The following DDX49 variants were observed in gnomAD, a reference collection of about 807,000 sequenced individuals.
DDX49 encodes the protein DEAD-box helicase 49.
A neutral mutation model predicts 56.3 loss-of-function variants in DDX49; 50 were observed. The observed-to-expected ratio is 0.89, with a 90% CI of 0.71 to 1.12. DDX49 has a LOEUF of 1.12. DDX49 is among the 50% of genes most tolerant of loss of function. DDX49 has a pLI of 0.00. For synonymous variants in DDX49, 269 were observed against 270.6 expected, an observed-to-expected ratio of 0.99 and a Z score of 0.06; for missense variants, 614 against 650.5, an observed-to-expected ratio of 0.94 and a Z score of 0.61.
In DDX49 at chr19:18,921,405, G is replaced by C. The variant is rs1017868460; in HGVS notation, c.240-258G>C. Among the ~76,000 whole-genome samples, 3 of 152,170 alleles carry C rather than the reference G, an allele frequency of 2.0e-5. No individual in the cohort carries two copies. The East Asian group carries it at 5.8e-4, about 29-fold the overall frequency. ...GCCATTGCTGAAAGGCGAACTGGGGGAAGGCACAGGTTTGGGATAGGAAGA... is the reference window on the plus strand; with the variant it reads ...GCCATTGCTGAAAGGCGAACTGGGGCAAGGCACAGGTTTGGGATAGGAAGA... On this transcript the variant is annotated intron_variant, in intron 2 of 12. Coordinates refer to ENST00000247003, the MANE Select transcript of DDX49 (RefSeq NM_019070.5).
chr19:18,927,771 A>C lies in DDX49; in HGVS notation c.1108A>C (p.Lys370Gln), dbSNP rs777512908. Residue 370 changes from lysine to glutamine, a missense_variant, in exon 11 of 13, where the codon AAG becomes CAG. Coordinates refer to ENST00000247003, the MANE Select transcript of DDX49 (RefSeq NM_019070.5). ...CGGCTTTGCTGTCCCCACAGAGAAG[A>C]AGCTGGAGGAGTTCTCCGTGGAAGA... The part of the protein sequence containing the change: ...VHAIEEQIKK[K>Q]LEEFSVEEAE... The C allele has an allele frequency of 8.1e-6, 13 of 1,613,534 alleles. No homozygotes were observed. In the African/African-American group the frequency reaches 1.3e-4, roughly 17 times the overall value.
chr19:18,919,840 C>T lies in DDX49; in HGVS notation c.99C>T (p.Ile33=). 6.2e-7 allele frequency: 1 copy of T among 1,601,698 alleles called. No individual in the cohort carries two copies. The highest frequency in any genetic ancestry group is 8.5e-7 in the Non-Finnish European group (1 of 1,170,180). The change falls in exon 1 of 13, where the codon ATC becomes ATT. Residue 33 remains isoleucine, a synonymous_variant. Coordinates refer to ENST00000247003, the MANE Select transcript of DDX49 (RefSeq NM_019070.5). ...KQPTPVQLGC[I]PAILEGRDCL... ...CCACGCCCGTGCAGCTCGGCTGCAT[C>T]CCCGCCATCCTGGAGGGTGAGTATG... is the stretch of plus-strand genomic sequence containing the variant.
At chr19:18,924,017 A>G (rs1203746202) in intron 6 of DDX49, among the ~76,000 whole-genome samples, 1 of 152,092 alleles carries the variant, frequency 6.6e-6, no homozygotes. Context: ...CATGTTGGGC[A>G]GGCTGGTCTT....
chr19:18,922,590 C>T lies in DDX49; in HGVS notation c.636-14C>T, dbSNP rs374874989. The T allele has an allele frequency of 8.1e-6, 13 of 1,606,740 alleles. No individual in the cohort carries two copies. In the African/African-American group the frequency reaches 1.5e-4, roughly 18 times the overall value. ...GGGACACTGAGGCGTGGCGGTCTAT[C>T]TGTCCATCCCCAGGGTGAGCACCGT... On this transcript the variant is annotated splice_polypyrimidine_tract_variant and intron_variant, in intron 5 of 12. Transcript: ENST00000247003.
rs1466429721 is a variant in DDX49, at chr19:18,924,430, G to A, written c.852+122G>A. 4.4e-6 allele frequency: 5 copies of A among 1,130,212 alleles called. No homozygotes were observed. The Admixed American group carries it at 7.9e-5, about 18-fold the overall frequency. 70.0% of individuals were successfully genotyped at this position (1,130,212 alleles called of 1,614,324 possible). On this transcript the variant is annotated intron_variant, in intron 7 of 12. Coordinates refer to ENST00000247003, the MANE Select transcript of DDX49 (RefSeq NM_019070.5). Reference sequence around the variant, plus strand: ...TGCCACCTGGTCTCTTCTGGTCCCAGAATATCGCAGCTCAAGAGGCCCTCC... The same window carrying A: ...TGCCACCTGGTCTCTTCTGGTCCCAAAATATCGCAGCTCAAGAGGCCCTCC...
intron 2 of DDX49, among the ~76,000 whole-genome samples, chr19:18,921,145 A>AG (rs1236323295): frequency 2.6e-5 from 4 of 151,926 alleles, no homozygotes; most frequent in Non-Finnish European, 5.9e-5. Flanking sequence ...CTGTCTCAAA[A>AG]AAAAAAAAAA....
intron 2 of DDX49, 175 bp downstream of exon 2, chr19:18,920,878 C>T (rs1189237166): frequency 1.9e-6 from 1 of 539,822 alleles, no homozygotes; most frequent in Non-Finnish European, 3.1e-6. Context: ...CAGTGGCTCA[C>T]ACCTGTAATC....
Position 18,920,823 on chromosome 19 carries a change from C to T in DDX49, c.239+120C>T, listed in dbSNP as rs531413966. The T allele has an allele frequency of 6.3e-6, 7 of 1,108,392 alleles. No homozygotes were observed. The Admixed American group carries it at 1.0e-4, about 16-fold the overall frequency. The allele number at this position is 1,108,392 out of a possible 1,614,324, so 68.7% of individuals were successfully genotyped here. ...GAGATGAGCATGAAAATCTTGCTAC[C>T]CGCTTCTTAGGGGTCCTGCAGAATT... On this transcript the variant is annotated intron_variant, in intron 2 of 12. Coordinates refer to ENST00000247003, the MANE Select transcript of DDX49 (RefSeq NM_019070.5).
chr19:18,926,472 C>T, intron 10 of DDX49, 95 bp downstream of exon 10: 1 of 1,210,064 alleles, frequency 8.3e-7, no homozygotes, highest in Non-Finnish European at 1.2e-6. Context: ...CAGACACCAG[C>T]CGGCCTGCTC....
chr19:18,927,520 G>A (rs1432273225), intron 10 of DDX49, among the ~76,000 whole-genome samples: 5 of 152,006 alleles, frequency 3.3e-5, no homozygotes, highest in South Asian at 4.2e-4. Context: ...CCCGGGAGGC[G>A]GATGTTGCAG....
At position 18,921,656 on chromosome 19, in the gene DDX49, C is replaced by G. The variant is rs1293693090; in HGVS notation, c.240-7C>G. The G allele has an allele frequency of 6.2e-7, 1 of 1,613,858 alleles. No homozygotes were observed. Among genetic ancestry groups the G allele is most frequent in the African/African-American group, 1.3e-5 (1 of 74,920 alleles). ...CCTGACCCAGCCTGGCCCCTTCACA[C>G]CCACAGGGAGCTGGCCTACCAGATC... On this transcript the variant is annotated splice_polypyrimidine_tract_variant and splice_region_variant and intron_variant, in intron 2 of 12. Transcript: ENST00000247003.
intron 5 of DDX49, 39 bp from the exon 6 acceptor site, chr19:18,922,564 AG>A (rs1388985035): frequency 6.2e-7 from 1 of 1,600,692 alleles, no homozygotes; most frequent in Non-Finnish European, 8.5e-7. Flanking sequence ...TCCTACAGAC[AG>A]GGACACTGAG....
intron 2 of DDX49, 173 bp downstream of exon 2, chr19:18,920,876 C>T: frequency 1.8e-6 from 1 of 571,076 alleles, no homozygotes; most frequent in Non-Finnish European, 2.9e-6. Context: ...TGCAGTGGCT[C>T]ACACCTGTAA....
At position 18,920,579 on chromosome 19, in the gene DDX49, G is replaced by C. The variant is rs769933093; in HGVS notation, c.116-1G>C. The stretch of plus-strand genomic sequence containing the variant: ...TTGATGCTGCTTTGTCCCCAACCCA[G>C]GTCGAGACTGCTTGGGCTGTGCTAA... On this transcript the variant is annotated splice_acceptor_variant, in intron 1 of 12. Transcript: ENST00000247003. LOFTEE classifies it high-confidence loss of function. 8 of 1,595,524 alleles carry C rather than the reference G, an allele frequency of 5.0e-6. No homozygotes were observed. Among genetic ancestry groups the C allele is most frequent in the South Asian group, 1.1e-5 (1 of 90,038 alleles).
In DDX49 at chr19:18,928,237, G is replaced by A; in HGVS notation, c.1373G>A (p.Arg458Lys). ...ACGCTGAAGCGACAGAAGGCTGGCAGGGCTGGCCACAAGGGGCGTCCACCC... is the reference window on the plus strand; with the variant it reads ...ACGCTGAAGCGACAGAAGGCTGGCAAGGCTGGCCACAAGGGGCGTCCACCC... Reference protein sequence around the residue: ...EETLKRQKAGRAGHKGRPPRT... With the variant: ...EETLKRQKAGKAGHKGRPPRT... The change falls in exon 13 of 13, where the codon AGG (arginine) becomes AAG (lysine). Residue 458 changes from arginine to lysine, a missense_variant. Physicochemically the swap from Arg to Lys is conservative, Grantham distance 26. Transcript: ENST00000247003. 1.3e-6 allele frequency: 2 copies of A among 1,588,198 alleles called. No homozygotes were observed. The highest frequency in any genetic ancestry group is 1.7e-6 in the Non-Finnish European group (2 of 1,167,376).
At chr19:18,922,817 C>T (rs2056930489) in intron 6 of DDX49, 73 bp downstream of exon 6, 4 of 1,553,504 alleles carry the variant, frequency 2.6e-6, no homozygotes, top group South Asian at 1.2e-5. Flanking sequence ...TGGTCTGGGA[C>T]ACACAGCCAG....
At chr19:18,922,907 G>A (rs955036304) in intron 6 of DDX49, among the ~76,000 whole-genome samples, 163 bp downstream of exon 6, 1 of 152,204 alleles carries the variant, frequency 6.6e-6, no homozygotes, top group Non-Finnish European at 1.5e-5. Context: ...CAATCTGAAG[G>A]TGCAGCCGGC....
chr19:18,928,591 T>C lies in DDX49; in HGVS notation c.*275T>C. On this transcript the variant is annotated 3_prime_UTR_variant, in exon 13 of 13. Coordinates refer to ENST00000247003, the MANE Select transcript of DDX49 (RefSeq NM_019070.5). Reference sequence around the variant, plus strand: ...AAGGTCACCCCCCAGGGGTGCCGCATACAGGAGGTGCTTAATAAACGGGTC... The same window carrying C: ...AAGGTCACCCCCCAGGGGTGCCGCACACAGGAGGTGCTTAATAAACGGGTC... 1 of 424,564 alleles carries C rather than the reference T, an allele frequency of 2.4e-6. No individual in the cohort carries two copies. Among genetic ancestry groups the C allele is most frequent in the Admixed American group, 4.1e-5 (1 of 24,620 alleles). 26.3% of individuals were successfully genotyped at this position (424,564 alleles called of 1,614,324 possible).
rs1182705793 is a variant in DDX49, at chr19:18,921,739, G to T, written c.316G>T (p.Gly106Cys). 1 of 1,614,112 alleles carries T rather than the reference G, an allele frequency of 6.2e-7. No individual in the cohort carries two copies. Reference sequence around the variant, plus strand: ...AGGGCTGAAAGACTGCATCATCGTCGGTGGCATGGGTACGGGAGCTGGGAG... The same window carrying T: ...AGGGCTGAAAGACTGCATCATCGTCTGTGGCATGGGTACGGGAGCTGGGAG... ...PLGLKDCIIV[G>C]GMDMVAQALE... Residue 106 changes from glycine (G) to cysteine (C), a missense_variant, in exon 3 of 13, where the codon GGT becomes TGT. Transcript: ENST00000247003.
Sources: gnomAD v4.1 joint callset for allele counts (sites outside exome capture counted in the v4.1 genomes callset) on GRCh38, gnomAD v4.1.1 for gene constraint, MANE v1.5 for transcripts, NCBI Gene and HGNC (gene_info 2026-07-23, HGNC 2026-07-21) for gene names.